Variants in STAC observed in about 807,000 individuals in gnomAD.
STAC encodes SH3 and cysteine-rich domain-containing protein.
A neutral mutation model predicts 48.8 loss-of-function variants in STAC; 43 were observed. That is an observed-to-expected ratio of 0.88 (90% confidence interval 0.69 to 1.14). The LOEUF (loss-of-function observed/expected upper bound fraction) is 1.14. Ranked by LOEUF, STAC falls within the 50% of genes most tolerant of loss-of-function variation. The probability of loss-of-function intolerance (pLI) is 0.00; values close to 1 mark genes in which losing one functional copy is unlikely to be tolerated. For missense variants in STAC, 497 were observed against 504.0 expected (o/e 0.99, Z 0.13); for synonymous variants, 193 against 179.5 (o/e 1.07, Z -0.60).
intron 2 of STAC, among the ~76,000 whole-genome samples, chr3:36,482,469 C>T (rs1697675218): frequency 6.6e-6 from 1 of 152,200 alleles, no homozygotes; most frequent in South Asian, 2.1e-4. Flanking sequence ...TTCCTCTTTC[C>T]CCAGGCTGGG....
At chr3:36,541,326 T>C (rs1391633290) in intron 10 of STAC, among the ~76,000 whole-genome samples, 1 of 152,126 alleles carries the variant, frequency 6.6e-6, no homozygotes, top group Non-Finnish European at 1.5e-5. Flanking sequence ...CTAAGTCACA[T>C]AGGATAGGGA....
At chr3:36,429,222 T>A (rs1226544409) in intron 1 of STAC, among the ~76,000 whole-genome samples, 1 of 152,140 alleles carries the variant, frequency 6.6e-6, no homozygotes, top group Non-Finnish European at 1.5e-5. Flanking sequence ...AATGAGGAAG[T>A]AAGCTGGAGG....
chr3:36,456,442 G>A (rs928731834), intron 2 of STAC, among the ~76,000 whole-genome samples: 2 of 152,218 alleles, frequency 1.3e-5, no homozygotes, highest in African/African-American at 4.8e-5. Context: ...GTTTAAATGA[G>A]CCAGTACCCA....
At chr3:36,410,395 C>T (rs1038618723) in intron 1 of STAC, among the ~76,000 whole-genome samples, 1 of 152,108 alleles carries the variant, frequency 6.6e-6, no homozygotes, top group Non-Finnish European at 1.5e-5. Context: ...GTGCTAAGAG[C>T]TTTATGAGGA....
At chr3:36,517,565 G>C (rs1698702534) in intron 8 of STAC, among the ~76,000 whole-genome samples, 1 of 152,116 alleles carries the variant, frequency 6.6e-6, no homozygotes, top group Admixed American at 6.5e-5. Context: ...GAAGCAGAAG[G>C]ATCACTTGAG....
At chr3:36,523,649 T>A (rs1268764896) in intron 8 of STAC, among the ~76,000 whole-genome samples, 1 of 152,130 alleles carries the variant, frequency 6.6e-6, no homozygotes, top group East Asian at 1.9e-4. Flanking sequence ...GTGCCTGTAG[T>A]GTGATAACCT....
Position 36,546,517 on chromosome 3 carries a change from G to A in STAC, c.*228G>A. On this transcript the variant is annotated 3_prime_UTR_variant, in exon 11 of 11. Transcript: ENST00000273183. ...GGGGACGAGGCTGAGAGAGTCAGCA[G>A]GCAGAGCCAGATGCCATGCTTGGCA... 1 of 563,290 alleles carries A rather than the reference G, an allele frequency of 1.8e-6. No homozygotes were observed. Among genetic ancestry groups the A allele is most frequent in the Non-Finnish European group, 3.2e-6 (1 of 316,220 alleles). 34.9% of individuals were successfully genotyped at this position (563,290 alleles called of 1,614,324 possible). A position where few individuals can be genotyped will look rare whatever the true frequency, so the allele number is the denominator to read the frequency against.
At chr3:36,463,627 C>G (rs1268933502) in intron 2 of STAC, among the ~76,000 whole-genome samples, 1 of 150,982 alleles carries the variant, frequency 6.6e-6, no homozygotes, top group Non-Finnish European at 1.5e-5. Flanking sequence ...ACTCGTCATT[C>G]AACATTAGGT....
At chr3:36,412,390 T>G (rs1700215130) in intron 1 of STAC, among the ~76,000 whole-genome samples, 1 of 152,128 alleles carries the variant, frequency 6.6e-6, no homozygotes, top group Non-Finnish European at 1.5e-5. Flanking sequence ...CATTTCTAGC[T>G]GTAAGGAAAG....
At chr3:36,435,904 C>T (rs974489739) in intron 1 of STAC, among the ~76,000 whole-genome samples, 2 of 152,194 alleles carry the variant, frequency 1.3e-5, no homozygotes, top group Admixed American at 6.5e-5. Context: ...GCCTTTCCTT[C>T]TCAAGTCCCT....
chr3:36,465,174 T>C (rs1477320221), intron 2 of STAC, among the ~76,000 whole-genome samples: 1 of 152,252 alleles, frequency 6.6e-6, no homozygotes, highest in Non-Finnish European at 1.5e-5. Flanking sequence ...TGAGGTGGTA[T>C]CACATTGTGG....
intron 10 of STAC, among the ~76,000 whole-genome samples, chr3:36,542,891 T>A (rs1240316369): frequency 6.6e-6 from 1 of 152,196 alleles, no homozygotes; most frequent in Non-Finnish European, 1.5e-5. Flanking sequence ...TAATGGTATC[T>A]AACACATAGT....
At chr3:36,463,425 A>C (rs1224383621) in intron 2 of STAC, among the ~76,000 whole-genome samples, 1 of 152,054 alleles carries the variant, frequency 6.6e-6, no homozygotes, top group African/African-American at 2.4e-5. Flanking sequence ...AATCCATCCA[A>C]AATCCTGAAA....
chr3:36,491,040 T>G (rs1003281350), intron 5 of STAC, among the ~76,000 whole-genome samples: 1 of 152,244 alleles, frequency 6.6e-6, no homozygotes, highest in Non-Finnish European at 1.5e-5. Context: ...ACTTCACTCT[T>G]TCCCCAAAGT....
At chr3:36,486,061 A>C in intron 4 of STAC, 73 bp from the exon 5 acceptor site, 13 of 1,129,888 alleles carry the variant, frequency 1.2e-5, no homozygotes, top group Non-Finnish European at 1.6e-5. Flanking sequence ...CTGTTCACCC[A>C]GGAGATGTGG....
chr3:36,419,060 A>G (rs1042943519), intron 1 of STAC, among the ~76,000 whole-genome samples: 1 of 152,146 alleles, frequency 6.6e-6, no homozygotes, highest in African/African-American at 2.4e-5. Flanking sequence ...AAAAAAAAAA[A>G]AAAAGAAATT....
rs148984095 is a variant in STAC at position 36,400,021 on chromosome 3, G to A, written c.111+19267G>A. On this transcript the variant is annotated intron_variant, in intron 1 of 10. Transcript: ENST00000273183. ...TTAAAAGGGGGTGGGTTGATGCCCC[G>A]GTCGAAAGAGGTACAAGCAGTAAAG... Among the ~76,000 whole-genome samples, 212 of 152,312 alleles carry A rather than the reference G, an allele frequency of 1.4e-3. 1 individual carries two copies. The highest frequency in any genetic ancestry group is 1.8e-3 in the Non-Finnish European group (125 of 68,018).
At chr3:36,408,044 A>G (rs1281218989) in intron 1 of STAC, among the ~76,000 whole-genome samples, 1 of 152,206 alleles carries the variant, frequency 6.6e-6, no homozygotes, top group African/African-American at 2.4e-5. Context: ...CCCTTGCCAC[A>G]TGGCCCCCCT....
chr3:36,498,597 T>C (rs1193422714), intron 6 of STAC, among the ~76,000 whole-genome samples: 2 of 151,928 alleles, frequency 1.3e-5, no homozygotes, highest in Non-Finnish European at 2.9e-5. Context: ...TTACAAAAAA[T>C]ACAAAATTAG....
Sources: gnomAD v4.1 joint callset for allele counts (sites outside exome capture counted in the v4.1 genomes callset) on GRCh38, gnomAD v4.1.1 for gene constraint, MANE v1.5 for transcripts, NCBI Gene and HGNC (gene_info 2026-07-23, HGNC 2026-07-21) for gene names.